Variants in GOT2 observed in about 807,000 individuals in gnomAD.
GOT2 encodes aspartate aminotransferase, mitochondrial.
A neutral mutation model predicts 50.0 loss-of-function variants in GOT2; 17 were observed. The observed-to-expected ratio is 0.34, with a 90% CI of 0.23 to 0.51. The LOEUF (loss-of-function observed/expected upper bound fraction) is 0.51, where lower values mean the gene tolerates loss of function less well. Among genes scored for constraint, GOT2 ranks in the 20% least tolerant of loss-of-function variants. GOT2 has a pLI of 0.97. For synonymous variants in GOT2, 172 were observed against 204.9 expected (o/e 0.84, Z 1.37); for missense variants, 430 against 559.6 (o/e 0.77, Z 2.34).
intron 9 of GOT2, 120 bp downstream of exon 9, chr16:58,709,297 A>G (rs1191075370): frequency 1.1e-6 from 1 of 910,160 alleles, no homozygotes; most frequent in Non-Finnish European, 1.6e-6. Context: ...ACAAAACAAA[A>G]CAAAACAAAA....
intron 9 of GOT2, among the ~76,000 whole-genome samples, chr16:58,708,559 C>T (rs867766587): frequency 6.6e-6 from 1 of 151,384 alleles, no homozygotes; most frequent in Middle Eastern, 3.4e-3. Context: ...GCAGAGGCTG[C>T]AGTGAGCCGA....
At chr16:58,728,322 C>G (rs1268098765) in intron 1 of GOT2, among the ~76,000 whole-genome samples, 4 of 152,174 alleles carry the variant, frequency 2.6e-5, no homozygotes, top group African/African-American at 9.7e-5. Flanking sequence ...AATCAAGCAT[C>G]AACTTTCCTT....
intron 1 of GOT2, among the ~76,000 whole-genome samples, chr16:58,724,934 T>C (rs1037084256): frequency 7.2e-5 from 11 of 152,200 alleles, no homozygotes; most frequent in African/African-American, 1.4e-4. Flanking sequence ...TTATGCTTAG[T>C]TGCATGTCTC....
intron 8 of GOT2, among the ~76,000 whole-genome samples, chr16:58,713,575 AG>A (rs1174890214): frequency 6.6e-6 from 1 of 152,252 alleles, no homozygotes; most frequent in East Asian, 1.9e-4. Context: ...CATGGGACAG[AG>A]AGACAGAAAA....
Position 58,723,841 on chromosome 16 carries a change from A to T in GOT2, c.151T>A (p.Phe51Ile). ...TTTTTGCTATTGGTGTCCCTCTTAA[A>T]GGCTTCAGTGACTCCCAGAATGGGA... ...PDPILGVTEA[F>I]KRDTNSKKMN... Residue 51 changes from phenylalanine to isoleucine, a missense_variant, in exon 2 of 10, where the codon TTT becomes ATT. By Grantham distance (21) the Phe-to-Ile change is conservative (BLOSUM62 0). Transcript: ENST00000245206. 6.2e-7 allele frequency: 1 copy of T among 1,613,450 alleles called. No individual in the cohort carries two copies. Among genetic ancestry groups the T allele is most frequent in the South Asian group, 1.1e-5 (1 of 91,062 alleles).
At position 58,724,623 on chromosome 16, in the gene GOT2, C is replaced by T. The variant is rs995916360; in HGVS notation, c.90-721G>A. ...TGACGTGATCTCAGCTCACTGCAAC[C>T]TCTGCCTCCCATGTTCAAGCGATTG... On this transcript the variant is annotated intron_variant, in intron 1 of 9. Transcript: ENST00000245206. Among the ~76,000 whole-genome samples the T allele has an allele frequency of 2.6e-5, 4 of 152,156 alleles. 1 individual carries two copies. The highest frequency in any genetic ancestry group is 2.6e-4 in the Admixed American group (4 of 15,278).
intron 1 of GOT2, among the ~76,000 whole-genome samples, chr16:58,728,411 G>A (rs2044804676): frequency 6.6e-6 from 1 of 152,090 alleles, no homozygotes; most frequent in African/African-American, 2.4e-5. Flanking sequence ...AACCTAAATT[G>A]GCAGAGTGCC....
intron 4 of GOT2, 116 bp downstream of exon 4, chr16:58,719,080 G>C: frequency 3.8e-6 from 3 of 795,860 alleles, no homozygotes; most frequent in Non-Finnish European, 6.6e-6. Flanking sequence ...TAGGACATCT[G>C]CAAACTTCAC....
At chr16:58,729,258 CCTGT>C (rs1610878) in intron 1 of GOT2, among the ~76,000 whole-genome samples, 96,238 of 148,136 alleles carry the variant, frequency 0.65, 32,023 homozygotes, top group Middle Eastern at 0.86. Context: ...CATGCAGCCA[CCTGT>C]CTATCTACAT....
chr16:58,721,404 C>T (rs1239119831), intron 3 of GOT2, among the ~76,000 whole-genome samples: 5 of 152,312 alleles, frequency 3.3e-5, no homozygotes, highest in African/African-American at 1.2e-4. Flanking sequence ...CAGAGGGCTG[C>T]CAGACTGGTC....
At chr16:58,721,402 T>C (rs571379712) in intron 3 of GOT2, among the ~76,000 whole-genome samples, 13 of 152,330 alleles carry the variant, frequency 8.5e-5, no homozygotes, top group Admixed American at 2.6e-4. Context: ...AGCAGAGGGC[T>C]GCCAGACTGG....
At chr16:58,734,096 G>A (rs1243408147) in intron 1 of GOT2, 44 bp downstream of exon 1, 6 of 1,149,744 alleles carry the variant, frequency 5.2e-6, no homozygotes, top group African/African-American at 1.6e-5. Flanking sequence ...GCTCGGCGGG[G>A]CAGGGCCATC....
At chr16:58,722,382 T>C (rs2044749721) in intron 2 of GOT2, 104 bp from the exon 3 acceptor site, 1 of 1,192,614 alleles carries the variant, frequency 8.4e-7, no homozygotes. Context: ...TAAAGTCTTT[T>C]TTTTTTGAGA....
At chr16:58,729,772 C>T (rs988098304) in intron 1 of GOT2, among the ~76,000 whole-genome samples, 3 of 151,664 alleles carry the variant, frequency 2.0e-5, no homozygotes, top group African/African-American at 7.3e-5. Flanking sequence ...GTTTTTATCG[C>T]TATGTTTGCA....
intron 7 of GOT2, 112 bp downstream of exon 7, chr16:58,716,549 GAC>G (rs2044694319): frequency 6.2e-6 from 5 of 809,636 alleles, no homozygotes; most frequent in Non-Finnish European, 9.4e-6. Flanking sequence ...GAGGGACATG[GAC>G]ATGGATGGAC....
At chr16:58,708,635 A>G (rs2044622033) in intron 9 of GOT2, among the ~76,000 whole-genome samples, 1 of 152,022 alleles carries the variant, frequency 6.6e-6, no homozygotes, top group Non-Finnish European at 1.5e-5. Context: ...AGAAAAAAAA[A>G]AAAGCTACTT....
At chr16:58,720,621 C>T (rs1170157701) in intron 3 of GOT2, among the ~76,000 whole-genome samples, 1 of 151,312 alleles carries the variant, frequency 6.6e-6, no homozygotes, top group Admixed American at 6.6e-5. Flanking sequence ...CTCTGTCACC[C>T]AGGCTAGAAT....
At chr16:58,730,778 ACT>A (rs1337554130) in intron 1 of GOT2, among the ~76,000 whole-genome samples, 1 of 152,128 alleles carries the variant, frequency 6.6e-6, no homozygotes, top group Non-Finnish European at 1.5e-5. Context: ...TATTGTAAGA[ACT>A]CTGATGTTTT....
chr16:58,716,720 C>T lies in GOT2; in HGVS notation c.796G>A (p.Glu266Lys), dbSNP rs368352559. 1.4e-5 allele frequency: 22 copies of T among 1,613,916 alleles called. No individual in the cohort carries two copies. Among genetic ancestry groups the T allele is most frequent in the East Asian group, 4.5e-5 (2 of 44,880 alleles). ...KDAWAVRHFI[E>K]QGINVCLCQS... ...CAGAGGCAAACATTAATGCCCTGTT[C>T]GATGAAGTGGCGCACAGCCCAGGCA... Residue 266 changes from glutamate to lysine, a missense_variant, in exon 7 of 10, where the codon GAA becomes AAA. Glu to Lys is a moderately conservative substitution (Grantham distance 56). Coordinates refer to ENST00000245206, the MANE Select transcript of GOT2 (RefSeq NM_002080.4).
Sources: gnomAD v4.1 joint callset for allele counts (sites outside exome capture counted in the v4.1 genomes callset) on GRCh38, gnomAD v4.1.1 for gene constraint, MANE v1.5 for transcripts, NCBI Gene and HGNC (gene_info 2026-07-23, HGNC 2026-07-21) for gene names.